The following SYNM variants were observed in gnomAD, a reference collection of about 807,000 sequenced individuals.
The protein encoded by SYNM is desmuslin.
In SYNM, 95 loss-of-function variants were observed where a neutral mutation model predicts 104.0. The ratio of observed to expected loss-of-function variants is 0.91; its 90% CI spans 0.77 to 1.08. The LOEUF (loss-of-function observed/expected upper bound fraction) is 1.08, where lower values mean the gene tolerates loss of function less well. Among genes scored for constraint, SYNM ranks in the 50% least tolerant of loss-of-function variants. SYNM has a pLI of 0.00. For missense variants in SYNM, 2,150 were observed against 2,052.2 expected (o/e 1.05, Z -0.92); for synonymous variants, 918 against 869.0 (o/e 1.06, Z -0.99).
chr15:99,123,747 A>G (rs1434925218), intron 2 of SYNM, among the ~76,000 whole-genome samples: 7 of 152,274 alleles, frequency 4.6e-5, no homozygotes, highest in African/African-American at 1.7e-4. Context: ...CGGCCCCAGC[A>G]GGCTCCCGCA....
intron 1 of SYNM, among the ~76,000 whole-genome samples, chr15:99,111,871 C>T (rs2067302528): frequency 1.3e-5 from 2 of 152,266 alleles, no homozygotes; most frequent in East Asian, 1.9e-4. Flanking sequence ...GTGGTGAAAC[C>T]CCGTCTCTAC....
rs188167791 is a variant in SYNM at position 99,116,982 on chromosome 15, G to A, written c.935+3267G>A. 2.1e-5 allele frequency among the ~76,000 whole-genome samples: 3 copies of A among 143,882 alleles called. No homozygotes were observed. In the Admixed American group the frequency reaches 2.1e-4, roughly 10 times the overall value. 94.4% of individuals were successfully genotyped at this position (143,882 alleles called of 152,430 possible). ...GAGCCCCTGTGCCTAGCCGGTGCTG[G>A]GTTCTTTTAAACAACCAGATCTCAT... On this transcript the variant is annotated intron_variant, in intron 2 of 3. Coordinates refer to ENST00000336292, the MANE Select transcript of SYNM (RefSeq NM_145728.3).
chr15:99,124,786 G>C (rs989406345), intron 2 of SYNM, among the ~76,000 whole-genome samples: 3 of 152,164 alleles, frequency 2.0e-5, no homozygotes, highest in South Asian at 2.1e-4. Flanking sequence ...CTCACCTCTA[G>C]AGCGAGGATG....
chr15:99,108,014 C>T (rs1277444469), intron 1 of SYNM, among the ~76,000 whole-genome samples: 6 of 149,126 alleles, frequency 4.0e-5, no homozygotes, highest in African/African-American at 7.5e-5. Flanking sequence ...CTTGCTCTGT[C>T]GCCCAGGCTG....
At position 99,119,272 on chromosome 15, in the gene SYNM, G is replaced by A. The variant is rs189832765; in HGVS notation, c.935+5557G>A. ...CAGGGTGGAGAATCCCCGGTCCAGG[G>A]CCTCACAGCTCACAGGGCGGCAGCA... On this transcript the variant is annotated intron_variant, in intron 2 of 3. Coordinates refer to ENST00000336292, the MANE Select transcript of SYNM (RefSeq NM_145728.3). Among the ~76,000 whole-genome samples, 31 of 152,292 alleles carry A rather than the reference G, an allele frequency of 2.0e-4. No individual in the cohort carries two copies. The East Asian group carries it at 5.8e-3, about 28-fold the overall frequency.
chr15:99,131,951 AG>A lies in SYNM; in HGVS notation c.3592del (p.Glu1198ArgfsTer70). On this transcript the variant is annotated frameshift_variant, in exon 4 of 4. Transcript: ENST00000336292. LOFTEE classifies it high-confidence loss of function. The surrounding 1 kb of genome is among the most constrained non-coding windows in gnomAD (Gnocchi z 4.3). ...IFLGPAPACP[E>X]AWGSPEPGPA... ...TCCTAGGCCCTGCCCCTGCCTGTCC[AG>A]AGGCATGGGGCTCGCCAGAACCTGG... The A allele has an allele frequency of 6.2e-7, 1 of 1,613,846 alleles. No homozygotes were observed. Among genetic ancestry groups the A allele is most frequent in the Non-Finnish European group, 8.5e-7 (1 of 1,179,880 alleles).
At position 99,129,479 on chromosome 15, in the gene SYNM, A is replaced by G. The variant is rs1555485392; in HGVS notation, c.1119A>G (p.Ala373=). ...TGGCAAGTTTCAATCACAGCTCGGCACTGTATTCTAACCTGTCAGGGCACC... is the reference window on the plus strand; with the variant it reads ...TGGCAAGTTTCAATCACAGCTCGGCGCTGTATTCTAACCTGTCAGGGCACC... ...APLASFNHSS[A]LYSNLSGHRG... The change falls in exon 4 of 4, where the codon GCA becomes GCG. Residue 373 remains alanine, a synonymous_variant. Coordinates refer to ENST00000336292, the MANE Select transcript of SYNM (RefSeq NM_145728.3). 3.7e-6 allele frequency: 6 copies of G among 1,613,994 alleles called. No individual in the cohort carries two copies. The highest frequency in any genetic ancestry group is 5.1e-6 in the Non-Finnish European group (6 of 1,179,896).
At chr15:99,118,659 G>T (rs567811372) in intron 2 of SYNM, among the ~76,000 whole-genome samples, 1 of 152,094 alleles carries the variant, frequency 6.6e-6, no homozygotes, top group South Asian at 2.1e-4. Flanking sequence ...TTGTATACTT[G>T]TAATTTCCAG....
chr15:99,123,922 G>A (rs542004972), intron 2 of SYNM, among the ~76,000 whole-genome samples: 151 of 152,378 alleles, frequency 9.9e-4, no homozygotes, highest in African/African-American at 3.4e-3. Context: ...TCAGGACGCC[G>A]GGTGGCCCAT....
At chr15:99,119,944 G>T (rs1449223051) in intron 2 of SYNM, among the ~76,000 whole-genome samples, 2 of 152,176 alleles carry the variant, frequency 1.3e-5, no homozygotes, top group African/African-American at 2.4e-5. Flanking sequence ...TCCAAAGTAG[G>T]TGCCATTATC....
chr15:99,130,792 A>G lies in SYNM; in HGVS notation c.2432A>G (p.Asn811Ser), dbSNP rs782234923. ...QHRRTKQPQE[N>S]TTHVEEVTEA... Reference sequence around the variant, plus strand: ...CGAAGGACCAAGCAGCCTCAGGAGAACACGACTCACGTGGAAGAAGTGACA... The same window carrying G: ...CGAAGGACCAAGCAGCCTCAGGAGAGCACGACTCACGTGGAAGAAGTGACA... The change falls in exon 4 of 4, where the codon AAC becomes AGC. Residue 811 changes from asparagine to serine, a missense_variant. Physicochemically the swap from Asn to Ser is conservative, Grantham distance 46. Coordinates refer to ENST00000336292, the MANE Select transcript of SYNM (RefSeq NM_145728.3). 6.2e-7 allele frequency: 1 copy of G among 1,613,970 alleles called. No individual in the cohort carries two copies. The highest frequency in any genetic ancestry group is 1.1e-5 in the South Asian group (1 of 91,062).
downstream of SYNM, chr15:99,137,818 C>G: frequency 3.5e-6 from 3 of 867,296 alleles, no homozygotes; most frequent in Non-Finnish European, 5.2e-6. Flanking sequence ...ATATATCACC[C>G]TGAAGGGCAT....
rs1555486569 is a variant in SYNM at position 99,135,325 on chromosome 15, T to C, written c.*2267T>C. 1.3e-5 allele frequency: 2 copies of C among 152,790 alleles called. No individual in the cohort carries two copies. Among genetic ancestry groups the C allele is most frequent in the Admixed American group, 6.5e-5 (1 of 15,308 alleles). 9.5% of individuals were successfully genotyped at this position (152,790 alleles called of 1,614,324 possible). A position where few individuals can be genotyped will look rare whatever the true frequency, so the allele number is the denominator to read the frequency against. On this transcript the variant is annotated 3_prime_UTR_variant, in exon 4 of 4. Transcript: ENST00000336292. ...ACATTGTGACAAGCTCCATGTCCTTTAAAATCAGTCACTCTGCACACAAGA... is the reference window on the plus strand; with the variant it reads ...ACATTGTGACAAGCTCCATGTCCTTCAAAATCAGTCACTCTGCACACAAGA...
rs374159540 is a variant in SYNM, at chr15:99,131,267, C to T, written c.2907C>T (p.Ser969=). 1.1e-5 allele frequency: 18 copies of T among 1,611,252 alleles called. No homozygotes were observed. The highest frequency in any genetic ancestry group is 4.0e-5 in the African/African-American group (3 of 74,992). The change falls in exon 4 of 4, where the codon TCC becomes TCT. Residue 969 remains serine, a synonymous_variant. Coordinates refer to ENST00000336292, the MANE Select transcript of SYNM (RefSeq NM_145728.3). This position sits in a 1 kb window ranked among gnomAD's most constrained non-coding sequence, Gnocchi z 4.3. The part of the protein sequence containing the change: ...TLPERMREEL[S]ALTREGQGGP... Reference sequence around the variant, plus strand: ...CCGAGCGCATGAGGGAGGAGCTGTCCGCCCTCACCAGAGAGGGGCAGGGTG... The same window carrying T: ...CCGAGCGCATGAGGGAGGAGCTGTCTGCCCTCACCAGAGAGGGGCAGGGTG...
intron 3 of SYNM, among the ~76,000 whole-genome samples, chr15:99,128,550 G>A (rs781981391): frequency 1.3e-5 from 2 of 152,200 alleles, no homozygotes; most frequent in Admixed American, 6.5e-5. Flanking sequence ...CCCTGTCCCC[G>A]CTGAGCCAGC....
Position 99,132,075 on chromosome 15 carries a change from C to T in SYNM, c.3715C>T (p.Pro1239Ser), listed in dbSNP as rs1555486033. ...TGAAAAGGAGATTATTTTTCAGGGCCCCATTTCTGCTGCAGGGAAGGTTGG... is the reference window on the plus strand; with the variant it reads ...TGAAAAGGAGATTATTTTTCAGGGCTCCATTTCTGCTGCAGGGAAGGTTGG... ...HAEKEIIFQG[P>S]ISAAGKVGDY... Residue 1239 changes from proline to serine, a missense_variant, in exon 4 of 4, where the codon CCC (proline) becomes TCC (serine). Physicochemically the swap from Pro to Ser is moderately conservative, Grantham distance 74. Transcript: ENST00000336292. 2 of 1,613,794 alleles carry T rather than the reference C, an allele frequency of 1.2e-6. No individual in the cohort carries two copies. The highest frequency in any genetic ancestry group is 1.7e-5 in the Admixed American group (1 of 60,010).
chr15:99,122,919 T>C (rs1167599053), intron 2 of SYNM, among the ~76,000 whole-genome samples: 2 of 152,188 alleles, frequency 1.3e-5, no homozygotes, highest in Non-Finnish European at 2.9e-5. Context: ...TGAGTTAACA[T>C]TCAGTTAACT....
Position 99,131,834 on chromosome 15 carries a change from A to G in SYNM, c.3474A>G (p.Leu1158=), listed in dbSNP as rs782244671. The G allele has an allele frequency of 6.2e-7, 1 of 1,613,898 alleles. No individual in the cohort carries two copies. The highest frequency in any genetic ancestry group is 8.5e-7 in the Non-Finnish European group (1 of 1,179,896). The stretch of plus-strand genomic sequence containing the variant: ...TGGAGGTAAGTGCGGGAGGTGACCT[A>G]AGTCAGGCAGCGAGCCCGACCGGAG... ...EVVEVSAGGD[L]SQAASPTGAS... Residue 1158 remains leucine, a synonymous_variant, in exon 4 of 4, where the codon CTA becomes CTG. Coordinates refer to ENST00000336292, the MANE Select transcript of SYNM (RefSeq NM_145728.3). The surrounding 1 kb of genome is among the most constrained non-coding windows in gnomAD (Gnocchi z 4.3).
chr15:99,112,957 C>T (rs868915817), intron 1 of SYNM, among the ~76,000 whole-genome samples: 12 of 152,184 alleles, frequency 7.9e-5, no homozygotes, highest in Non-Finnish European at 1.2e-4. Context: ...GTGATCCGCC[C>T]GCTTCGGCCT....
Sources: allele counts gnomAD v4.1 joint callset (sites outside exome capture counted in the v4.1 genomes callset), GRCh38; gene constraint gnomAD v4.1.1; non-coding constraint Gnocchi (gnomAD v3.1); transcripts MANE v1.5; gene names NCBI Gene and HGNC (gene_info 2026-07-23, HGNC 2026-07-21).